PPP1R13L: variants seen among roughly 807,000 people sequenced by gnomAD.
PPP1R13L encodes relA-associated inhibitor.
In PPP1R13L, 50 loss-of-function variants were observed where a neutral mutation model predicts 80.9. That is an observed-to-expected ratio of 0.62 (90% confidence interval 0.49 to 0.78). The LOEUF (loss-of-function observed/expected upper bound fraction) is 0.78, where lower values mean the gene tolerates loss of function less well. Ranked by LOEUF, PPP1R13L falls within the 30% of genes least tolerant of loss-of-function variation. The pLI is 0.00. For missense variants in PPP1R13L, 1,200 were observed against 1,205.9 expected, an observed-to-expected ratio of 1.00 and a Z score of 0.07; for synonymous variants, 602 against 534.3, an observed-to-expected ratio of 1.13 and a Z score of -1.75.
chr19:45,382,548 G>C lies in PPP1R13L; in HGVS notation c.2427C>G (p.Tyr809Ter). Residue 809 changes from tyrosine to a stop codon, truncating the protein, a stop_gained, in exon 12 of 13, where the codon TAC (tyrosine) becomes TAG (stop). Transcript: ENST00000360957. LOFTEE classifies it high-confidence loss of function. ...TCACCCCGAAGTAGTTCCGCGGCAC[G>C]TAGCCCTCCTGGCCGTGCAGCGCGG... is the stretch of plus-strand genomic sequence containing the variant. Reference protein sequence around the residue: ...WWAALHGQEGYVPRNYFGLFP... With the variant: ...WWAALHGQEG 6.2e-7 allele frequency: 1 copy of C among 1,613,000 alleles called. No homozygotes were observed. The highest frequency in any genetic ancestry group is 8.5e-7 in the Non-Finnish European group (1 of 1,179,622).
chr19:45,382,595 C>T lies in PPP1R13L; in HGVS notation c.2380G>A (p.Glu794Lys), dbSNP rs1285468026. ...SVTVLRRDGP[E>K]ETDWWWAALH... ...GCGGCCCACCACCAGTCGGTCTCCT[C>T]CGGCCCGTCCCTCCGCAGCACGGTG... Residue 794 changes from glutamate to lysine, a missense_variant, in exon 12 of 13, where the codon GAG becomes AAG. Glu to Lys is a moderately conservative substitution (Grantham distance 56). Transcript: ENST00000360957. The T allele has an allele frequency of 6.2e-7, 1 of 1,613,620 alleles. No individual in the cohort carries two copies.
intron 1 of PPP1R13L, among the ~76,000 whole-genome samples, chr19:45,400,042 G>A (rs537952235): frequency 6.6e-6 from 1 of 151,950 alleles, no homozygotes; most frequent in Non-Finnish European, 1.5e-5. Flanking sequence ...AACCACCCTA[G>A]CAGGCAAGAA....
Position 45,396,446 on chromosome 19 carries a change from A to G in PPP1R13L, c.713-10T>C, listed in dbSNP as rs938600970. 4 of 1,613,796 alleles carry G rather than the reference A, an allele frequency of 2.5e-6. No homozygotes were observed. The highest frequency in any genetic ancestry group is 2.5e-6 in the Non-Finnish European group (3 of 1,179,902). On this transcript the variant is annotated splice_polypyrimidine_tract_variant and intron_variant, in intron 4 of 12. Coordinates refer to ENST00000360957, the MANE Select transcript of PPP1R13L (RefSeq NM_006663.4). This position sits in a 1 kb window ranked among gnomAD's most constrained non-coding sequence, Gnocchi z 5.3. The stretch of plus-strand genomic sequence containing the variant: ...CGCAGCGTCAGGTCGTCTGGGGAGA[A>G]GTTTCCAGGGAGGATGAGACGGGAG...
At chr19:45,403,942 T>C (rs1973278212) in intron 1 of PPP1R13L, among the ~76,000 whole-genome samples, 1 of 151,876 alleles carries the variant, frequency 6.6e-6, no homozygotes. Context: ...TTAGCCTCTG[T>C]CCCTCCCTTA....
chr19:45,405,146 C>A (rs1973307978), upstream of PPP1R13L: 1 of 647,200 alleles, frequency 1.5e-6, no homozygotes, highest in Admixed American at 6.3e-5. Flanking sequence ...GGAGGGGGAG[C>A]CAAGGTCGCC....
chr19:45,397,476 T>C (rs752824005), intron 3 of PPP1R13L, among the ~76,000 whole-genome samples: 2 of 105,542 alleles, frequency 1.9e-5, no homozygotes. Context: ...CTCTCTCTCT[T>C]TCTTTCTTTC....
chr19:45,402,197 G>A (rs117135272), intron 1 of PPP1R13L: 1 of 152,348 alleles, frequency 6.6e-6, no homozygotes, highest in Non-Finnish European at 1.5e-5. Flanking sequence ...TGTTAAAATA[G>A]ATAAATGAGC....
intron 8 of PPP1R13L, among the ~76,000 whole-genome samples, chr19:45,391,563 C>T (rs1019532878): frequency 5.3e-5 from 8 of 152,204 alleles, no homozygotes; most frequent in Non-Finnish European, 1.2e-4. Flanking sequence ...ATGGAACTCC[C>T]AGGTTCTGCC....
chr19:45,384,460 A>G (rs1327992579), intron 11 of PPP1R13L, among the ~76,000 whole-genome samples: 1 of 151,722 alleles, frequency 6.6e-6, no homozygotes, highest in Non-Finnish European at 1.5e-5. Context: ...GCTTTCACCG[A>G]GGAGGCAGAG....
intron 1 of PPP1R13L, among the ~76,000 whole-genome samples, chr19:45,400,997 C>G (rs1973221163): frequency 2.6e-5 from 1 of 38,960 alleles, no homozygotes; most frequent in Non-Finnish European, 3.8e-5. Context: ...GGGATGGTCT[C>G]GATCTCCTGA....
At position 45,396,570 on chromosome 19, in the gene PPP1R13L, T is replaced by C; in HGVS notation, c.687A>G (p.Ala229=). The change falls in exon 4 of 13, where the codon GCA becomes GCG. Residue 229 remains alanine (A), a synonymous_variant. Transcript: ENST00000360957. The surrounding 1 kb of genome is among the most constrained non-coding windows in gnomAD (Gnocchi z 5.3). ...GSSLLGSGGS[A]FAPPLRAQDD... ...CTTGCGCGCGCAGAGGCGGGGCGAA[T>C]GCGCTGCCGCCGGAGCCTAGCAGGG... 6.6e-7 allele frequency: 1 copy of C among 1,512,714 alleles called. No homozygotes were observed. Among genetic ancestry groups the C allele is most frequent in the Non-Finnish European group, 8.8e-7 (1 of 1,137,934 alleles). 93.7% of individuals were successfully genotyped at this position (1,512,714 alleles called of 1,614,324 possible).
chr19:45,406,355 T>C (rs926125753), upstream of PPP1R13L: 4 of 1,235,650 alleles, frequency 3.2e-6, no homozygotes, highest in Admixed American at 4.5e-5. This position sits in a 1 kb window ranked among gnomAD's most constrained non-coding sequence, Gnocchi z 4.2. Context: ...GGAAGAGCAG[T>C]GTGGCTGCCC....
chr19:45,399,554 G>A (rs1372166040), intron 1 of PPP1R13L, among the ~76,000 whole-genome samples: 1 of 151,628 alleles, frequency 6.6e-6, no homozygotes. Context: ...AACCCGGGAG[G>A]TGGAGCTTGA....
rs886500050 is a variant in PPP1R13L at position 45,392,504 on chromosome 19, A to G, written c.1355-164T>C. 60 of 762,566 alleles carry G rather than the reference A, an allele frequency of 7.9e-5. No homozygotes were observed. The African/African-American group carries it at 9.6e-4, about 12-fold the overall frequency. The allele number at this position is 762,566 out of a possible 1,614,324, so 47.2% of individuals were successfully genotyped here. A position where few individuals can be genotyped will look rare whatever the true frequency, so the allele number is the denominator to read the frequency against. ...ACTTTCCTTGGGCTGTGAATAATAT[A>G]CAATTATGATGCCTCCCATTTATTG... On this transcript the variant is annotated intron_variant, in intron 7 of 12. Coordinates refer to ENST00000360957, the MANE Select transcript of PPP1R13L (RefSeq NM_006663.4).
chr19:45,382,790 G>T, intron 11 of PPP1R13L, 64 bp from the exon 12 acceptor site: 1 of 1,519,466 alleles, frequency 6.6e-7, no homozygotes, highest in Non-Finnish European at 9.1e-7. Context: ...CAGGGGCCAC[G>T]TGGGGTCCAG....
At chr19:45,398,585 C>CTTTTTTTTTTTT (rs113649282) in intron 1 of PPP1R13L, among the ~76,000 whole-genome samples, 2 of 136,524 alleles carry the variant, frequency 1.5e-5, no homozygotes, top group Non-Finnish European at 3.2e-5. Flanking sequence ...TTTTTCTTTT[C>CTTTTTTTTTTTT]TTTTTTTTTT....
At position 45,397,045 on chromosome 19, in the gene PPP1R13L, C is replaced by T; in HGVS notation, c.212G>A (p.Ser71Asn). Residue 71 changes from serine to asparagine, a missense_variant, in exon 4 of 13, where the codon AGC (serine) becomes AAC (asparagine). Ser to Asn is a conservative substitution (Grantham distance 46). This residue lies in a region of PPP1R13L where 764 missense variants were observed against 714.5 expected (regional missense o/e 1.07). Transcript: ENST00000360957. ...AGPPSRPPRYSSSSIPEPFGS... is the reference protein window; with the variant it reads ...AGPPSRPPRYNSSSIPEPFGS... ...GAAGGGCTCAGGGATCGAGCTGGAG[C>T]TGTACCGGGGCGGCTGTGGGGAGGC... 7.5e-7 allele frequency: 1 copy of T among 1,335,688 alleles called. No homozygotes were observed. The highest frequency in any genetic ancestry group is 9.6e-7 in the Non-Finnish European group (1 of 1,044,898). 82.7% of individuals were successfully genotyped at this position (1,335,688 alleles called of 1,614,324 possible). A position where few individuals can be genotyped will look rare whatever the true frequency, so the allele number is the denominator to read the frequency against.
At position 45,382,547 on chromosome 19, in the gene PPP1R13L, C is replaced by A. The variant is rs779464146; in HGVS notation, c.2428G>T (p.Val810Leu). The A allele has an allele frequency of 6.2e-7, 1 of 1,612,954 alleles. No individual in the cohort carries two copies. The highest frequency in any genetic ancestry group is 1.7e-5 in the Admixed American group (1 of 59,974). The change falls in exon 12 of 13, where the codon GTG becomes TTG. Residue 810 changes from valine to leucine, a missense_variant. Coordinates refer to ENST00000360957, the MANE Select transcript of PPP1R13L (RefSeq NM_006663.4). ...CTCACCCCGAAGTAGTTCCGCGGCA[C>A]GTAGCCCTCCTGGCCGTGCAGCGCG... ...WAALHGQEGYVPRNYFGLFPR... is the reference protein window; with the variant it reads ...WAALHGQEGYLPRNYFGLFPR...
At chr19:45,385,434 C>T (rs953655429) in intron 11 of PPP1R13L, 128 bp downstream of exon 11, 19 of 1,169,134 alleles carry the variant, frequency 1.6e-5, no homozygotes, top group East Asian at 5.2e-5. Context: ...TCATCCTCCT[C>T]CTCGGCAATC....
Sources: gnomAD v4.1 joint callset for allele counts (sites outside exome capture counted in the v4.1 genomes callset) on GRCh38, gnomAD v4.1.1 for gene constraint, gnomAD v4.1.1 regional missense constraint, Gnocchi (gnomAD v3.1) non-coding constraint, MANE v1.5 for transcripts, NCBI Gene and HGNC (gene_info 2026-07-23, HGNC 2026-07-21) for gene names.